The following ABI3BP variants were observed in gnomAD, a reference collection of about 807,000 sequenced individuals.
ABI3BP encodes the protein target of Nesh-SH3.
Under a neutral mutation model 268.6 loss-of-function variants are expected in ABI3BP, and 216 were observed. The ratio of observed to expected loss-of-function variants is 0.80; its 90% CI spans 0.72 to 0.90. The LOEUF (loss-of-function observed/expected upper bound fraction) is 0.90. Ranked by LOEUF, ABI3BP falls within the 40% of genes least tolerant of loss-of-function variation. The pLI, the probability that ABI3BP is intolerant of heterozygous loss-of-function variation, is 0.00. For synonymous variants in ABI3BP, 730 were observed against 730.0 expected (o/e 1.00, Z 0.00); for missense variants, 2,090 against 2,182.4 (o/e 0.96, Z 0.84).
chr3:100,850,072 T>G lies in ABI3BP; in HGVS notation c.1474A>C (p.Ser492Arg), dbSNP rs1441193430. The change falls in exon 17 of 68, where the codon AGT becomes CGT. Residue 492 changes from serine (S) to arginine (R), a missense_variant. Ser to Arg is a moderately radical substitution (Grantham distance 110, BLOSUM62 -1). Transcript: ENST00000471714. Reference protein sequence around the residue: ...FVPQKLEIFTSPEMQPTTPAP... With the variant: ...FVPQKLEIFTRPEMQPTTPAP... ...GGTGTCGTAGGCTGCATTTCTGGACTGGTAAAGATTTCCAGTTTTTGAGGA... is the reference window on the plus strand; with the variant it reads ...GGTGTCGTAGGCTGCATTTCTGGACGGGTAAAGATTTCCAGTTTTTGAGGA... The G allele has an allele frequency of 1.2e-6, 2 of 1,611,688 alleles. No individual in the cohort carries two copies. The highest frequency in any genetic ancestry group is 1.7e-6 in the Non-Finnish European group (2 of 1,179,028).
chr3:100,909,463 A>G (rs558656124), intron 2 of ABI3BP, among the ~76,000 whole-genome samples: 4 of 152,304 alleles, frequency 2.6e-5, no homozygotes, highest in East Asian at 1.9e-4. Flanking sequence ...AGAAACTACC[A>G]TCAGAGTGAA....
At chr3:100,919,152 A>G (rs1164943288) in intron 2 of ABI3BP, among the ~76,000 whole-genome samples, 1 of 151,722 alleles carries the variant, frequency 6.6e-6, no homozygotes, top group African/African-American at 2.4e-5. Flanking sequence ...CTATTGGTTT[A>G]TCCTGTTTCT....
chr3:100,798,616 C>A (rs1018659201), intron 51 of ABI3BP, among the ~76,000 whole-genome samples: 2 of 151,816 alleles, frequency 1.3e-5, no homozygotes, highest in Non-Finnish European at 2.9e-5. Flanking sequence ...TTATACTAAC[C>A]AATCTGTCTT....
At chr3:100,987,299 T>C (rs1389792968) in intron 1 of ABI3BP, among the ~76,000 whole-genome samples, 1 of 152,206 alleles carries the variant, frequency 6.6e-6, no homozygotes, top group Non-Finnish European at 1.5e-5. Context: ...CATTAGCCTA[T>C]AACATTTTAA....
chr3:100,807,245 G>T (rs1377243290), intron 50 of ABI3BP, among the ~76,000 whole-genome samples: 1 of 151,224 alleles, frequency 6.6e-6, no homozygotes, highest in Non-Finnish European at 1.5e-5. Flanking sequence ...TTAATAACTT[G>T]GTATATTCTT....
At chr3:100,815,781 T>G in intron 44 of ABI3BP, 131 bp downstream of exon 44, 1 of 601,648 alleles carries the variant, frequency 1.7e-6, no homozygotes, top group Non-Finnish European at 2.7e-6. Flanking sequence ...AACTGCTGAC[T>G]ATTTTAAAAT....
chr3:100,974,833 T>A (rs1055812493), intron 1 of ABI3BP, among the ~76,000 whole-genome samples: 2 of 152,166 alleles, frequency 1.3e-5, no homozygotes, highest in Non-Finnish European at 2.9e-5. Flanking sequence ...ACTAATTATC[T>A]GAAAGTAATG....
At chr3:100,945,232 T>C (rs955164347) in intron 1 of ABI3BP, among the ~76,000 whole-genome samples, 5 of 152,108 alleles carry the variant, frequency 3.3e-5, no homozygotes, top group South Asian at 2.1e-4. Context: ...TCCCCAATTG[T>C]ACTTCAAATA....
chr3:100,924,564 G>A (rs1450185613), intron 2 of ABI3BP, among the ~76,000 whole-genome samples: 1 of 152,094 alleles, frequency 6.6e-6, no homozygotes, highest in African/African-American at 2.4e-5. Flanking sequence ...TATTCAAGCT[G>A]CATGCTGAGA....
chr3:100,786,486 C>T (rs967464621), intron 57 of ABI3BP, among the ~76,000 whole-genome samples: 1 of 152,042 alleles, frequency 6.6e-6, no homozygotes, highest in African/African-American at 2.4e-5. Flanking sequence ...ATTGCATGCT[C>T]CTAATAAGAA....
chr3:100,980,526 G>A (rs1033182683), intron 1 of ABI3BP, among the ~76,000 whole-genome samples: 2 of 152,148 alleles, frequency 1.3e-5, no homozygotes, highest in Non-Finnish European at 2.9e-5. Context: ...AACATATAAA[G>A]TTACCATAGC....
chr3:100,965,918 T>A (rs899414519), intron 1 of ABI3BP, among the ~76,000 whole-genome samples: 2 of 152,180 alleles, frequency 1.3e-5, no homozygotes, highest in African/African-American at 2.4e-5. Context: ...CCAATAATGA[T>A]CTTTCCATTA....
chr3:100,951,407 C>T (rs2074953182), intron 1 of ABI3BP, among the ~76,000 whole-genome samples: 1 of 151,950 alleles, frequency 6.6e-6, no homozygotes, highest in African/African-American at 2.4e-5. Flanking sequence ...CTGTCTTTTG[C>T]TCCTTTAGAG....
chr3:100,843,939 CAT>C, intron 20 of ABI3BP: 1 of 985,302 alleles, frequency 1.0e-6, no homozygotes. Flanking sequence ...GAAAAATCTG[CAT>C]TTTTGAGTTC....
chr3:100,923,588 T>C (rs2060924497), intron 2 of ABI3BP, among the ~76,000 whole-genome samples: 2 of 152,304 alleles, frequency 1.3e-5, no homozygotes, highest in South Asian at 2.1e-4. Flanking sequence ...TCACTAGTCA[T>C]CTTTGGAAAT....
At chr3:100,864,702 G>C (rs2099032424) in intron 11 of ABI3BP, 131 bp downstream of exon 11, 1 of 665,246 alleles carries the variant, frequency 1.5e-6, no homozygotes, top group Non-Finnish European at 2.6e-6. Flanking sequence ...ACCACTGCCA[G>C]GAAGGAAGGA....
Position 100,804,815 on chromosome 3 carries a change from G to A in ABI3BP, c.3734C>T (p.Pro1245Leu), listed in dbSNP as rs779407470. The stretch of plus-strand genomic sequence containing the variant: ...ACCAGGTGTGGTGTATGACACTTCT[G>A]GACTTGGTGACGTTTTTGGTTTTGC... ...VTAKPKTSPS[P>L]EVSYTTPAPK... The change falls in exon 51 of 68, where the codon CCA (proline) becomes CTA (leucine). Residue 1245 changes from proline (P) to leucine (L), a missense_variant. Physicochemically the swap from Pro to Leu is moderately conservative, Grantham distance 98. Coordinates refer to ENST00000471714, the MANE Select transcript of ABI3BP (RefSeq NM_001375547.2). The A allele has an allele frequency of 1.2e-6, 2 of 1,613,078 alleles. No individual in the cohort carries two copies. The highest frequency in any genetic ancestry group is 2.2e-5 in the East Asian group (1 of 44,836).
chr3:100,969,988 G>A (rs1363420715), intron 1 of ABI3BP, among the ~76,000 whole-genome samples: 1 of 152,164 alleles, frequency 6.6e-6, no homozygotes, highest in African/African-American at 2.4e-5. Flanking sequence ...AGGAGTTACA[G>A]CATTTCTTTC....
rs141338711 is a variant in ABI3BP, at chr3:100,874,374, G to A, written c.910+467C>T. 4.7e-3 allele frequency among the ~76,000 whole-genome samples: 716 copies of A among 152,076 alleles called. 1 individual carries two copies. The highest frequency in any genetic ancestry group is 8.1e-3 in the Admixed American group (124 of 15,278). On this transcript the variant is annotated intron_variant, in intron 9 of 67. Transcript: ENST00000471714. ...TGGCCCTTTTTTAAGTGGATTTTCCGTTTTTTTCTTTTACTCTTATGTTTT... is the reference window on the plus strand; with the variant it reads ...TGGCCCTTTTTTAAGTGGATTTTCCATTTTTTTCTTTTACTCTTATGTTTT...
Sources: gnomAD v4.1 joint callset for allele counts (sites outside exome capture counted in the v4.1 genomes callset) on GRCh38, gnomAD v4.1.1 for gene constraint, MANE v1.5 for transcripts, NCBI Gene and HGNC (gene_info 2026-07-23, HGNC 2026-07-21) for gene names.